LRIG1: variants seen among roughly 807,000 people sequenced by gnomAD.
LRIG1 encodes leucine-rich repeats and immunoglobulin-like domains protein 1.
In LRIG1, 48 loss-of-function variants were observed where a neutral mutation model predicts 99.2. That is an observed-to-expected ratio of 0.48 (90% CI 0.38 to 0.62). LRIG1 has a LOEUF of 0.62. LRIG1 is among the 20% of genes least tolerant of loss of function. The pLI, the probability that LRIG1 is intolerant of heterozygous loss-of-function variation, is 0.00. For synonymous variants in LRIG1, 772 were observed against 596.1 expected (o/e 1.29, Z -4.30); for missense variants, 1,646 against 1,434.4 (o/e 1.15, Z -2.38).
At chr3:66,499,744 A>G (rs888812999) in intron 1 of LRIG1, among the ~76,000 whole-genome samples, 3 of 152,208 alleles carry the variant, frequency 2.0e-5, no homozygotes, top group Non-Finnish European at 4.4e-5. Flanking sequence ...CAAGGAGCTC[A>G]GACACCAAAT....
At chr3:66,403,937 T>C (rs1702162479) in intron 9 of LRIG1, among the ~76,000 whole-genome samples, 1 of 152,188 alleles carries the variant, frequency 6.6e-6, no homozygotes, top group Non-Finnish European at 1.5e-5. Context: ...AGAAGGCCTC[T>C]GCCCCACCCC....
At position 66,407,407 on chromosome 3, in the gene LRIG1, G is replaced by A. The variant is rs1702307783; in HGVS notation, c.1020C>T (p.His340=). Residue 340 remains histidine, a synonymous_variant, in exon 8 of 19, where the codon CAC becomes CAT. Transcript: ENST00000273261. ...LSSLSVLRLS[H]NSISHIAEGA... ...CCTCCGCAATGTGGCTGATGGAATT[G>A]TGGCTGAGACGCAGGACACTCAGGC... 8 of 1,614,096 alleles carry A rather than the reference G, an allele frequency of 5.0e-6. No individual in the cohort carries two copies. Among genetic ancestry groups the A allele is most frequent in the Non-Finnish European group, 6.8e-6 (8 of 1,180,044 alleles).
chr3:66,481,194 A>G (rs1305498074), intron 1 of LRIG1, among the ~76,000 whole-genome samples: 1 of 152,218 alleles, frequency 6.6e-6, no homozygotes, highest in African/African-American at 2.4e-5. Flanking sequence ...GGGAAGGCCC[A>G]AAGTCTAATG....
Position 66,414,406 on chromosome 3 carries a change from TAATA to T in LRIG1, c.647+510_647+513del, listed in dbSNP as rs572200124. Among the ~76,000 whole-genome samples the T allele has an allele frequency of 4.7e-3, 709 of 150,908 alleles. 11 individuals carry two copies. Among genetic ancestry groups the T allele is most frequent in the African/African-American group, 0.012 (485 of 40,944 alleles). On this transcript the variant is annotated intron_variant, in intron 5 of 18. Transcript: ENST00000273261. ...GCGAGACTGTCGCAAAAAAAAATAA[TAATA>T]AATAAATAAATAATAATAATAATAA...
intron 3 of LRIG1, among the ~76,000 whole-genome samples, chr3:66,420,657 G>A (rs1702777948): frequency 6.6e-6 from 1 of 152,114 alleles, no homozygotes; most frequent in Non-Finnish European, 1.5e-5. Context: ...GAGCATTGCG[G>A]ACATGATGCC....
chr3:66,384,010 A>G lies in LRIG1; in HGVS notation c.2052T>C (p.Asn684=), dbSNP rs371199367. Residue 684 remains asparagine, a synonymous_variant, in exon 14 of 19, where the codon AAT becomes AAC. Transcript: ENST00000273261. Reference sequence around the variant, plus strand: ...GCAAACCTAGGACAGTCAGGGTGGCATTAGCTGAAATAGAACCGGCTGAGT... The same window carrying G: ...GCAAACCTAGGACAGTCAGGGTGGCGTTAGCTGAAATAGAACCGGCTGAGT... ...AQNSAGSISA[N]ATLTVLETPS... 14 of 1,613,668 alleles carry G rather than the reference A, an allele frequency of 8.7e-6. No homozygotes were observed. In the African/African-American group the frequency reaches 1.2e-4, roughly 14 times the overall value.
Position 66,383,298 on chromosome 3 carries a change from G to T in LRIG1, c.2175C>A (p.Thr725=). 1 of 1,610,466 alleles carries T rather than the reference G, an allele frequency of 6.2e-7. No individual in the cohort carries two copies. Among genetic ancestry groups the T allele is most frequent in the Middle Eastern group, 1.7e-4 (1 of 6,052 alleles). The change falls in exon 15 of 19, where the codon ACC becomes ACA. Residue 725 remains threonine (T), a synonymous_variant. Coordinates refer to ENST00000273261, the MANE Select transcript of LRIG1 (RefSeq NM_015541.3). ...KATGNPPPRI[T]WFKGDRPLSL... is the part of the protein sequence containing the mutation. ...TCAGCGGGCGGTCCCCCTTGAACCA[G>T]GTGATGCGGGGCGGAGGGTTCCCCG...
intron 2 of LRIG1, among the ~76,000 whole-genome samples, chr3:66,455,391 C>T (rs1191612579): frequency 3.9e-5 from 6 of 152,244 alleles, no homozygotes; most frequent in Admixed American, 3.9e-4. Context: ...GCAGCTCCTG[C>T]TGCTGGCTAC....
At position 66,410,163 on chromosome 3, in the gene LRIG1, T is replaced by C. The variant is rs1291608016; in HGVS notation, c.901A>G (p.Lys301Glu). 6.2e-7 allele frequency: 1 copy of C among 1,614,040 alleles called. No individual in the cohort carries two copies. Residue 301 changes from lysine (K) to glutamate (E), a missense_variant, in exon 7 of 19, where the codon AAG becomes GAG. Lys to Glu is a moderately conservative substitution (Grantham distance 56, BLOSUM62 1). Coordinates refer to ENST00000273261, the MANE Select transcript of LRIG1 (RefSeq NM_015541.3). ...AGCTTCTGGCAGAAGCTCCAGCCCT[T>C]GCGGTGAATGCGAGCGATGGAATTG... is the stretch of plus-strand genomic sequence containing the variant. ...SNNSIARIHRKGWSFCQKLHE... is the reference protein window; with the variant it reads ...SNNSIARIHREGWSFCQKLHE...
At chr3:66,497,606 G>T (rs560863002) in intron 1 of LRIG1, among the ~76,000 whole-genome samples, 1 of 134,692 alleles carries the variant, frequency 7.4e-6, no homozygotes, top group East Asian at 2.4e-4. Flanking sequence ...TATCCATTCT[G>T]TTTCTTCTAT....
At chr3:66,393,463 C>A (rs1701705097) in intron 12 of LRIG1, among the ~76,000 whole-genome samples, 1 of 152,234 alleles carries the variant, frequency 6.6e-6, no homozygotes. Context: ...GTGCTCTCTG[C>A]AACCAAACTT....
chr3:66,477,189 G>A (rs1575722594), intron 1 of LRIG1, among the ~76,000 whole-genome samples: 1 of 152,198 alleles, frequency 6.6e-6, no homozygotes, highest in East Asian at 1.9e-4. Flanking sequence ...AAATTTAAAG[G>A]TTGTTTGCAC....
chr3:66,447,939 C>T (rs1387563113), intron 3 of LRIG1, among the ~76,000 whole-genome samples: 1 of 152,138 alleles, frequency 6.6e-6, no homozygotes, highest in Non-Finnish European at 1.5e-5. Flanking sequence ...GCAGCTTCTG[C>T]CCCCATTTAA....
At chr3:66,466,273 C>A (rs148678694) in intron 1 of LRIG1, among the ~76,000 whole-genome samples, 48 of 152,198 alleles carry the variant, frequency 3.2e-4, no homozygotes, top group African/African-American at 1.1e-3. Context: ...GAACTCCTGG[C>A]CTGAAGCAAT....
chr3:66,404,332 G>A (rs1702184572), intron 9 of LRIG1: 4 of 1,287,380 alleles, frequency 3.1e-6, no homozygotes, highest in Non-Finnish European at 4.0e-6. Context: ...GGACGGGCTG[G>A]GGGAATCGAG....
intron 3 of LRIG1, among the ~76,000 whole-genome samples, chr3:66,435,277 G>A (rs368598014): frequency 1.3e-5 from 2 of 152,210 alleles, no homozygotes; most frequent in African/African-American, 2.4e-5. Context: ...AACCAGGGGG[G>A]GCTAGGCATG....
rs115874571 is a variant in LRIG1, at chr3:66,461,666, T to G, written c.290+772A>C. ...GTGATTTTCATTCTTCACACGTTTC[T>G]GTAGTTGCCAATTTTTCTACAATAT... is the stretch of plus-strand genomic sequence containing the variant. On this transcript the variant is annotated intron_variant, in intron 2 of 18. Coordinates refer to ENST00000273261, the MANE Select transcript of LRIG1 (RefSeq NM_015541.3). Among the ~76,000 whole-genome samples, 178 of 152,342 alleles carry G rather than the reference T, an allele frequency of 1.2e-3. 3 individuals are homozygous for G. Among genetic ancestry groups the G allele is most frequent in the African/African-American group, 4.2e-3 (176 of 41,582 alleles).
intron 1 of LRIG1, among the ~76,000 whole-genome samples, chr3:66,476,077 C>CTA (rs981319797): frequency 2.0e-5 from 3 of 152,190 alleles, no homozygotes; most frequent in African/African-American, 7.2e-5. Context: ...TCAGAACTAC[C>CTA]TATATCAAAT....
intron 3 of LRIG1, among the ~76,000 whole-genome samples, chr3:66,419,501 G>A (rs553286467): frequency 1.3e-5 from 2 of 152,282 alleles, no homozygotes; most frequent in African/African-American, 2.4e-5. Flanking sequence ...AGAGGAGCAA[G>A]GGAGTGCACA....
Sources: gnomAD v4.1 joint callset for allele counts (sites outside exome capture counted in the v4.1 genomes callset) on GRCh38, gnomAD v4.1.1 for gene constraint, MANE v1.5 for transcripts, NCBI Gene and HGNC (gene_info 2026-07-23, HGNC 2026-07-21) for gene names.